The following B3GLCT variants were observed in gnomAD, a reference collection of about 807,000 sequenced individuals.
The protein encoded by B3GLCT is beta 3-glucosyltransferase.
Under a neutral mutation model 63.4 loss-of-function variants are expected in B3GLCT, and 65 were observed. That is an observed-to-expected ratio of 1.03 (90% CI 0.84 to 1.26). B3GLCT has a LOEUF of 1.26. Ranked by LOEUF, B3GLCT falls within the 50% of genes most tolerant of loss-of-function variation. The pLI is 0.00. For synonymous variants in B3GLCT, 233 were observed against 219.2 expected (o/e 1.06, Z -0.55); for missense variants, 577 against 604.8 (o/e 0.95, Z 0.48).
chr13:31,212,478 T>C (rs1869319916), intron 1 of B3GLCT, among the ~76,000 whole-genome samples: 1 of 152,098 alleles, frequency 6.6e-6, no homozygotes, highest in Admixed American at 6.5e-5. Context: ...TTTCACTGTT[T>C]TGGCCAAGCT....
At chr13:31,323,954 T>A in intron 14 of B3GLCT, 59 bp downstream of exon 14, 1 of 1,592,444 alleles carries the variant, frequency 6.3e-7, no homozygotes, top group Non-Finnish European at 8.6e-7. Flanking sequence ...TCTTCTCACT[T>A]AAGGATTTGA....
intron 8 of B3GLCT, among the ~76,000 whole-genome samples, chr13:31,269,816 G>A (rs1691174209): frequency 6.6e-6 from 1 of 152,188 alleles, no homozygotes; most frequent in Non-Finnish European, 1.5e-5. Context: ...GATACAGCTA[G>A]AAGGTGCCAT....
chr13:31,295,427 C>T (rs906301956), intron 12 of B3GLCT, among the ~76,000 whole-genome samples: 1 of 152,204 alleles, frequency 6.6e-6, no homozygotes, highest in African/African-American at 2.4e-5. Flanking sequence ...CCACCCCTTC[C>T]CCCAGGTGCT....
chr13:31,279,362 C>G (rs533139666), intron 10 of B3GLCT, among the ~76,000 whole-genome samples: 30 of 152,070 alleles, frequency 2.0e-4, no homozygotes, highest in African/African-American at 7.0e-4. Flanking sequence ...CAACGTGAGT[C>G]CTTTTCTATT....
At chr13:31,258,002 A>G (rs1871825064) in intron 6 of B3GLCT, among the ~76,000 whole-genome samples, 1 of 152,172 alleles carries the variant, frequency 6.6e-6, no homozygotes, top group Non-Finnish European at 1.5e-5. Context: ...AATGTGTCGG[A>G]TGGTAACAAG....
intron 12 of B3GLCT, chr13:31,312,240 A>C (rs909965059): frequency 6.6e-6 from 1 of 152,208 alleles, no homozygotes; most frequent in African/African-American, 2.4e-5. Context: ...GATTGAATAG[A>C]GTCTTTATTG....
At chr13:31,306,502 G>T (rs1874405238) in intron 12 of B3GLCT, among the ~76,000 whole-genome samples, 1 of 107,910 alleles carries the variant, frequency 9.3e-6, no homozygotes, top group African/African-American at 3.9e-5. Flanking sequence ...CAAAATCAAT[G>T]TACAAAAATC....
intron 6 of B3GLCT, among the ~76,000 whole-genome samples, chr13:31,251,150 CAGAA>C (rs1459067879): frequency 1.3e-5 from 2 of 151,940 alleles, no homozygotes; most frequent in Non-Finnish European, 2.9e-5. Flanking sequence ...AACTAATAAA[CAGAA>C]AGGAATAGTA....
At chr13:31,267,778 T>C (rs530032781) in intron 7 of B3GLCT, among the ~76,000 whole-genome samples, 1 of 152,318 alleles carries the variant, frequency 6.6e-6, no homozygotes, top group Admixed American at 6.5e-5. Flanking sequence ...CAGACAGATG[T>C]AATTAAAAAC....
intron 8 of B3GLCT, 142 bp downstream of exon 8, chr13:31,269,419 C>A: frequency 3.2e-6 from 2 of 620,424 alleles, no homozygotes; most frequent in South Asian, 1.9e-5. Context: ...AGCACTCCAG[C>A]GAATTAGGTG....
chr13:31,257,202 G>C (rs890707969), intron 6 of B3GLCT, among the ~76,000 whole-genome samples: 1 of 152,190 alleles, frequency 6.6e-6, no homozygotes, highest in Admixed American at 6.5e-5. Flanking sequence ...GCAACCAGAG[G>C]TTTTAATCGT....
rs967974096 is a variant in B3GLCT at position 31,287,066 on chromosome 13, G to A, written c.1064+247G>A. ...TGAGGTGAGTTCTATGACTGCCAGA[G>A]CTGACTGCCTTAAGAGAATTCCAAG... On this transcript the variant is annotated intron_variant, in intron 12 of 14. Transcript: ENST00000343307. Among the ~76,000 whole-genome samples, 4 of 152,278 alleles carry A rather than the reference G, an allele frequency of 2.6e-5. No individual in the cohort carries two copies. In the East Asian group the frequency reaches 7.7e-4, roughly 29 times the overall value.
intron 12 of B3GLCT, among the ~76,000 whole-genome samples, chr13:31,295,454 G>A (rs1765088027): frequency 6.6e-6 from 1 of 152,198 alleles, no homozygotes; most frequent in Non-Finnish European, 1.5e-5. Context: ...CAGGGAGGTG[G>A]GAGTTTTATG....
chr13:31,236,758 TTTTTC>T (rs1388403712), intron 4 of B3GLCT, among the ~76,000 whole-genome samples: 1 of 152,200 alleles, frequency 6.6e-6, no homozygotes, highest in Admixed American at 6.5e-5. Flanking sequence ...TCTGGATCAT[TTTTTC>T]TTTTACAGAG....
At chr13:31,321,057 G>C (rs2137942322) in intron 13 of B3GLCT, among the ~76,000 whole-genome samples, 1 of 152,288 alleles carries the variant, frequency 6.6e-6, no homozygotes, top group South Asian at 2.1e-4. Flanking sequence ...ATTATTTGAA[G>C]GCAACACCTG....
chr13:31,206,925 A>G (rs1000450276), intron 1 of B3GLCT, among the ~76,000 whole-genome samples: 1 of 152,160 alleles, frequency 6.6e-6, no homozygotes, highest in African/African-American at 2.4e-5. Flanking sequence ...TCATTTGGCA[A>G]ATTTTTAAAT....
chr13:31,321,954 C>T lies in B3GLCT; in HGVS notation c.1185-1797C>T, dbSNP rs114902126. On this transcript the variant is annotated intron_variant, in intron 13 of 14. Coordinates refer to ENST00000343307, the MANE Select transcript of B3GLCT (RefSeq NM_194318.4). ...GTGCACCTGTCACCCAAGTAGTGTA[C>T]GCTGTGTCCAGTGTGTAGTCTTTTA... Among the ~76,000 whole-genome samples the T allele has an allele frequency of 5.8e-3, 881 of 152,196 alleles. 13 individuals are homozygous for T. Among genetic ancestry groups the T allele is most frequent in the African/African-American group, 0.02 (844 of 41,508 alleles).
chr13:31,217,265 C>T (rs1204370703), intron 2 of B3GLCT, among the ~76,000 whole-genome samples: 1 of 152,088 alleles, frequency 6.6e-6, no homozygotes, highest in Non-Finnish European at 1.5e-5. Context: ...AGTGTCTGTT[C>T]ACGTCCTTTA....
intron 12 of B3GLCT, chr13:31,311,247 C>G (rs1179790668): frequency 6.6e-6 from 1 of 152,232 alleles, no homozygotes; most frequent in African/African-American, 2.4e-5. Context: ...CATTTTTACA[C>G]AGCCAAACCA....
Sources: gnomAD v4.1 joint callset for allele counts (sites outside exome capture counted in the v4.1 genomes callset) on GRCh38, gnomAD v4.1.1 for gene constraint, MANE v1.5 for transcripts, NCBI Gene and HGNC (gene_info 2026-07-23, HGNC 2026-07-21) for gene names.